BAZ2B: variants seen among roughly 807,000 people sequenced by gnomAD.
The protein encoded by BAZ2B is bromodomain adjacent to zinc finger domain 2B.
In BAZ2B, 91 loss-of-function variants were observed where a neutral mutation model predicts 246.0. The ratio of observed to expected loss-of-function variants is 0.37; its 90% CI spans 0.31 to 0.44. The LOEUF (loss-of-function observed/expected upper bound fraction) is 0.44, where lower values mean the gene tolerates loss of function less well. Among genes scored for constraint, BAZ2B ranks in the 20% least tolerant of loss-of-function variants. BAZ2B has a pLI of 1.00. For missense variants in BAZ2B, 2,332 were observed against 2,533.7 expected (o/e 0.92, Z 1.71); for synonymous variants, 855 against 860.0 (o/e 0.99, Z 0.10).
At chr2:159,370,436 T>C (rs2060717573) in intron 27 of BAZ2B, among the ~76,000 whole-genome samples, 1 of 135,458 alleles carries the variant, frequency 7.4e-6, no homozygotes, top group Admixed American at 7.9e-5. Context: ...AGTGGCACAA[T>C]CTCGGCTCAC....
At chr2:159,640,976 T>G in the BAZ2B span, among the ~76,000 whole-genome samples, 5 of 147,214 alleles carry the variant, frequency 3.4e-5, no homozygotes, top group African/African-American at 9.9e-5. Context: ...TTGAAAAAAA[T>G]AAAATTGACA....
chr2:159,574,142 T>C (rs112292807), intron 1 of BAZ2B, among the ~76,000 whole-genome samples: 36,342 of 144,276 alleles, frequency 0.25, 5,654 homozygotes, highest in Admixed American at 0.38. Context: ...CACACACACA[T>C]ACACACACAC....
chr2:159,660,869 A>G, the BAZ2B span, among the ~76,000 whole-genome samples: 1 of 152,144 alleles, frequency 6.6e-6, no homozygotes, highest in Non-Finnish European at 1.5e-5. Context: ...AAGTGCTAGG[A>G]TTACAGGCAT....
At chr2:159,566,690 T>G (rs1682676412) in intron 1 of BAZ2B, among the ~76,000 whole-genome samples, 2 of 152,206 alleles carry the variant, frequency 1.3e-5, no homozygotes. Context: ...AAGTTAAGAA[T>G]TTTAAAGTTA....
chr2:159,596,416 A>G (rs1337135410), intron 1 of BAZ2B, among the ~76,000 whole-genome samples: 1 of 152,090 alleles, frequency 6.6e-6, no homozygotes, highest in African/African-American at 2.4e-5. Flanking sequence ...CAAGAATATA[A>G]AAGACAATGA....
upstream of BAZ2B, chr2:159,616,986 G>C (rs1395744274): frequency 2.6e-5 from 4 of 152,026 alleles, no homozygotes; most frequent in African/African-American, 9.7e-5. Context: ...TATGCAAGAC[G>C]GTCCCGGGGT....
the BAZ2B span, among the ~76,000 whole-genome samples, chr2:159,688,147 C>T: frequency 1.3e-5 from 2 of 152,134 alleles, no homozygotes; most frequent in Non-Finnish European, 2.9e-5. Context: ...TCAAGCAATC[C>T]TCCTGCCTCA....
At chr2:159,629,766 A>G in the BAZ2B span, among the ~76,000 whole-genome samples, 13 of 152,332 alleles carry the variant, frequency 8.5e-5, no homozygotes, top group Admixed American at 7.8e-4. Context: ...TGGCATTTGT[A>G]TACCTACATA....
chr2:159,397,160 T>A, intron 19 of BAZ2B, 185 bp downstream of exon 19: 2 of 1,453,076 alleles, frequency 1.4e-6, no homozygotes, highest in Non-Finnish European at 1.9e-6. Flanking sequence ...TAAAACCAAT[T>A]TTTTAACCCC....
intron 2 of BAZ2B, 50 bp from the exon 3 acceptor site, chr2:159,478,771 C>G: frequency 7.5e-7 from 1 of 1,340,082 alleles, no homozygotes; most frequent in Non-Finnish European, 9.8e-7. Context: ...AAAATTTTTT[C>G]AAAAGAATTC....
intron 4 of BAZ2B, among the ~76,000 whole-genome samples, chr2:159,450,649 G>A (rs569309241): frequency 1.3e-5 from 2 of 150,508 alleles, no homozygotes; most frequent in South Asian, 4.2e-4. Flanking sequence ...TTGACAAAAT[G>A]AAAAATACAA....
chr2:159,594,189 G>C (rs1690066244), intron 1 of BAZ2B, among the ~76,000 whole-genome samples: 1 of 152,204 alleles, frequency 6.6e-6, no homozygotes, highest in Non-Finnish European at 1.5e-5. Flanking sequence ...GGCCTACCTT[G>C]TGGTCAGGGG....
intron 1 of BAZ2B, among the ~76,000 whole-genome samples, chr2:159,579,587 T>A (rs1266020680): frequency 2.0e-5 from 3 of 152,076 alleles, no homozygotes; most frequent in Non-Finnish European, 4.4e-5. Context: ...GCCAACATCA[T>A]CCTGATACCA....
intron 1 of BAZ2B, among the ~76,000 whole-genome samples, chr2:159,574,469 T>A (rs1239904468): frequency 6.6e-6 from 1 of 152,116 alleles, no homozygotes; most frequent in Non-Finnish European, 1.5e-5. Flanking sequence ...ATTTTGGCAG[T>A]TTCTCAATAA....
At chr2:159,599,618 CAA>C (rs70997173) in intron 1 of BAZ2B, among the ~76,000 whole-genome samples, 1 of 132,970 alleles carries the variant, frequency 7.5e-6, no homozygotes, top group African/African-American at 2.8e-5. Flanking sequence ...AACTCTGTCT[CAA>C]AAAAAAAAAA....
the BAZ2B span, among the ~76,000 whole-genome samples, chr2:159,705,910 T>A: frequency 7.3e-6 from 1 of 136,122 alleles, no homozygotes; most frequent in Non-Finnish European, 1.7e-5. Flanking sequence ...AGTGATAATA[T>A]CTATTACAAA....
Position 159,347,569 on chromosome 2 carries a change from GTTC to G in BAZ2B, c.5368_5370del (p.Glu1790del). On this transcript the variant is annotated inframe_deletion, in exon 31 of 37. Coordinates refer to ENST00000392783, the MANE Select transcript of BAZ2B (RefSeq NM_013450.4). ...ACACTCAAATCCATTTCCATTGCTT[GTTC>G]TTCTACTGACCAGTTCTCCACAATA... The G allele has an allele frequency of 6.2e-7, 1 of 1,613,478 alleles. No homozygotes were observed.
chr2:159,453,034 A>C (rs797002042), intron 4 of BAZ2B, among the ~76,000 whole-genome samples: 26 of 152,326 alleles, frequency 1.7e-4, no homozygotes, highest in African/African-American at 5.5e-4. Context: ...TAGAAGGCGG[A>C]GGTTGCAGTG....
At chr2:159,628,877 C>T in the BAZ2B span, among the ~76,000 whole-genome samples, 342 of 152,274 alleles carry the variant, frequency 2.2e-3, 1 homozygote, top group African/African-American at 7.7e-3. Context: ...TCAGAGTGAA[C>T]AGGAAACCTA....
Sources: gnomAD v4.1 joint callset for allele counts (sites outside exome capture counted in the v4.1 genomes callset) on GRCh38, gnomAD v4.1.1 for gene constraint, MANE v1.5 for transcripts, NCBI Gene and HGNC (gene_info 2026-07-23, HGNC 2026-07-21) for gene names.